The following FHIT variants were observed in gnomAD, a reference collection of about 807,000 sequenced individuals.
The protein encoded by FHIT is fragile histidine triad diadenosine triphosphatase, also known as bis(5'-adenosyl)-triphosphatase.
In FHIT, 19 loss-of-function variants were observed where a neutral mutation model predicts 17.9. The observed-to-expected ratio is 1.06, with a 90% CI of 0.74 to 1.56. FHIT has a LOEUF of 1.56. Among genes scored for constraint, FHIT ranks in the 40% most tolerant of loss-of-function variants. The pLI is 0.00. For missense variants in FHIT, 248 were observed against 189.2 expected (o/e 1.31, Z -1.82); for synonymous variants, 81 against 69.7 (o/e 1.16, Z -0.81).
At chr3:60,719,469 T>G (rs936002850) in intron 4 of FHIT, among the ~76,000 whole-genome samples, 6 of 152,168 alleles carry the variant, frequency 3.9e-5, no homozygotes, top group Non-Finnish European at 7.3e-5. Context: ...GCTGTAGAGT[T>G]TATGATTAAG....
intron 9 of FHIT, chr3:59,750,670 T>TACA (rs1243508132): frequency 4.6e-6 from 1 of 219,360 alleles, no homozygotes; most frequent in Non-Finnish European, 9.1e-6. Flanking sequence ...AGGATCTGAG[T>TACA]ACAACACCAT....
At chr3:60,091,445 A>AGGT (rs1703726827) in intron 5 of FHIT, among the ~76,000 whole-genome samples, 1 of 152,178 alleles carries the variant, frequency 6.6e-6, no homozygotes, top group Admixed American at 6.5e-5. Context: ...TGGAGTGACA[A>AGGT]GGAGTTGAGG....
At position 60,537,423 on chromosome 3, in the gene FHIT, A is replaced by G. The variant is rs535635938; in HGVS notation, c.-17-444T>C. 112 of 960,096 alleles carry G rather than the reference A, an allele frequency of 1.2e-4. 1 individual carries two copies. The African/African-American group carries it at 1.8e-3, about 16-fold the overall frequency. The allele number at this position is 960,096 out of a possible 1,614,324, so 59.5% of individuals were successfully genotyped here. On this transcript the variant is annotated intron_variant, in intron 4 of 9. Transcript: ENST00000492590. ...CTCTCAAATGGTTTTGTGTTCATAT[A>G]ATAGCAATTTAGAACAAGTACGAAC... is the stretch of plus-strand genomic sequence containing the variant.
intron 3 of FHIT, among the ~76,000 whole-genome samples, chr3:60,959,326 C>T (rs1709304407): frequency 6.6e-6 from 1 of 152,146 alleles, no homozygotes; most frequent in African/African-American, 2.4e-5. Flanking sequence ...CCTTGATGTC[C>T]CTTTGAAGTT....
intron 3 of FHIT, among the ~76,000 whole-genome samples, chr3:60,890,838 G>A (rs1575650565): frequency 6.6e-6 from 1 of 152,188 alleles, no homozygotes; most frequent in Non-Finnish European, 1.5e-5. Flanking sequence ...GTCCCTTCAG[G>A]CAACTTGGAG....
At chr3:59,981,882 T>G (rs560616656) in intron 7 of FHIT, among the ~76,000 whole-genome samples, 1 of 152,024 alleles carries the variant, frequency 6.6e-6, no homozygotes, top group African/African-American at 2.4e-5. Context: ...TATTTTATGA[T>G]AGAGAACAAA....
chr3:59,958,741 A>G lies in FHIT; in HGVS notation c.280-36327T>C, dbSNP rs971065371. 2.6e-5 allele frequency among the ~76,000 whole-genome samples: 4 copies of G among 152,296 alleles called. No homozygotes were observed. The East Asian group carries it at 5.8e-4, about 22-fold the overall frequency. On this transcript the variant is annotated intron_variant, in intron 7 of 9. Coordinates refer to ENST00000492590, the MANE Select transcript of FHIT (RefSeq NM_002012.4). The stretch of plus-strand genomic sequence containing the variant: ...TTTCTACTCTGAAACAGATGTCACT[A>G]AAGTCTCTTCCGGGGCCAACCTTCT...
chr3:60,612,349 A>T (rs558733464), intron 4 of FHIT, among the ~76,000 whole-genome samples: 2 of 152,314 alleles, frequency 1.3e-5, no homozygotes, highest in South Asian at 4.1e-4. Flanking sequence ...TAGCAAATAT[A>T]TATCTATTAT....
intron 5 of FHIT, among the ~76,000 whole-genome samples, chr3:60,133,669 C>T (rs561461381): frequency 2.6e-5 from 4 of 151,856 alleles, no homozygotes; most frequent in South Asian, 4.2e-4. Flanking sequence ...GCTCTGGCAG[C>T]TTAGCACAAC....
chr3:59,917,273 G>T (rs1186877779), intron 8 of FHIT, among the ~76,000 whole-genome samples: 1 of 152,194 alleles, frequency 6.6e-6, no homozygotes, highest in Non-Finnish European at 1.5e-5. Context: ...ACTTGCTTTA[G>T]TAATAGTCAC....
intron 3 of FHIT, among the ~76,000 whole-genome samples, chr3:60,844,124 T>C (rs890856430): frequency 1.2e-4 from 18 of 152,278 alleles, no homozygotes; most frequent in African/African-American, 3.6e-4. Context: ...GCAAATACCT[T>C]ATAAATAATA....
intron 4 of FHIT, among the ~76,000 whole-genome samples, chr3:60,609,378 T>G (rs1052970344): frequency 2.0e-5 from 3 of 151,966 alleles, no homozygotes; most frequent in Non-Finnish European, 4.4e-5. Context: ...CAGGCTGGAG[T>G]GCAGTGGCGC....
chr3:61,010,201 A>C (rs61314495), intron 3 of FHIT, among the ~76,000 whole-genome samples: 3,187 of 144,698 alleles, frequency 0.022, 68 homozygotes, highest in Middle Eastern at 0.052. Context: ...CTTGATTACC[A>C]AAAAAAAAAA....
At chr3:61,197,351 A>T (rs2038880994) in intron 2 of FHIT, among the ~76,000 whole-genome samples, 1 of 152,226 alleles carries the variant, frequency 6.6e-6, no homozygotes, top group South Asian at 2.1e-4. Context: ...CAAAGCTAGC[A>T]AATGGCAGAG....
intron 5 of FHIT, among the ~76,000 whole-genome samples, chr3:60,517,119 TA>T (rs1450323074): frequency 1.3e-5 from 2 of 152,180 alleles, no homozygotes; most frequent in Non-Finnish European, 2.9e-5. Context: ...AGGTATCTCT[TA>T]ATGACAAAAA....
chr3:59,775,954 T>C (rs1702288091), intron 8 of FHIT, among the ~76,000 whole-genome samples: 2 of 152,220 alleles, frequency 1.3e-5, no homozygotes, highest in African/African-American at 4.8e-5. Context: ...CATTAAAGCC[T>C]TTTTTGATTC....
At chr3:60,709,907 T>G (rs201839886) in intron 4 of FHIT, among the ~76,000 whole-genome samples, 2 of 152,112 alleles carry the variant, frequency 1.3e-5, no homozygotes, top group Non-Finnish European at 1.5e-5. Context: ...TAATTATAGT[T>G]TGTCTTTCAA....
intron 2 of FHIT, among the ~76,000 whole-genome samples, chr3:61,099,379 T>G (rs570044514): frequency 5.3e-5 from 8 of 152,226 alleles, no homozygotes; most frequent in African/African-American, 1.7e-4. Flanking sequence ...GCCTGCAGTT[T>G]TTTTTTGTTG....
chr3:59,841,756 T>C (rs968600398), intron 8 of FHIT, among the ~76,000 whole-genome samples: 86 of 152,244 alleles, frequency 5.6e-4, no homozygotes, highest in African/African-American at 1.8e-3. Flanking sequence ...AACTATCTTT[T>C]TAATAAACAG....
Sources: allele counts gnomAD v4.1 joint callset (sites outside exome capture counted in the v4.1 genomes callset), GRCh38; gene constraint gnomAD v4.1.1; transcripts MANE v1.5; gene names NCBI Gene and HGNC (gene_info 2026-07-23, HGNC 2026-07-21).